Variants in SORCS3 observed in about 807,000 individuals in gnomAD.
The protein encoded by SORCS3 is VPS10 domain-containing receptor SorCS3.
Under a neutral mutation model 146.3 loss-of-function variants are expected in SORCS3, and 57 were observed. That is an observed-to-expected ratio of 0.39 (90% CI 0.31 to 0.49). The LOEUF (loss-of-function observed/expected upper bound fraction) is 0.49. Ranked by LOEUF, SORCS3 falls within the 20% of genes least tolerant of loss-of-function variation. The pLI, the probability that SORCS3 is intolerant of heterozygous loss-of-function variation, is 0.92. For synonymous variants in SORCS3, 653 were observed against 618.5 expected (o/e 1.06, Z -0.83); for missense variants, 1,341 against 1,575.5 (o/e 0.85, Z 2.52).
At chr10:105,146,931 C>T (rs2056135391) in intron 8 of SORCS3, among the ~76,000 whole-genome samples, 2 of 152,136 alleles carry the variant, frequency 1.3e-5, no homozygotes, top group South Asian at 2.1e-4. Context: ...GCAGCTTACT[C>T]ACAGCAGTGC....
At chr10:104,797,349 C>A (rs1450043662) in intron 1 of SORCS3, among the ~76,000 whole-genome samples, 1 of 152,086 alleles carries the variant, frequency 6.6e-6, no homozygotes, top group Non-Finnish European at 1.5e-5. Context: ...ACGGTTTTTA[C>A]AACGAGCTTT....
At position 105,143,858 on chromosome 10, in the gene SORCS3, G is replaced by A. The variant is rs546868598; in HGVS notation, c.1303-3759G>A. ...ACTATCTCACCAGTCTGTCTCCTGG[G>A]AACCTCATGGAGAACCGGCTTCCTT... On this transcript the variant is annotated intron_variant, in intron 8 of 26. Transcript: ENST00000369701. Among the ~76,000 whole-genome samples, 10 of 152,186 alleles carry A rather than the reference G, an allele frequency of 6.6e-5. No homozygotes were observed. The East Asian group carries it at 1.9e-3, about 29-fold the overall frequency.
At chr10:105,106,036 A>C (rs564619298) in intron 7 of SORCS3, among the ~76,000 whole-genome samples, 17 of 152,276 alleles carry the variant, frequency 1.1e-4, no homozygotes, top group African/African-American at 3.8e-4. Flanking sequence ...ACTCATATTT[A>C]GGCAGAGCAG....
At chr10:105,248,756 C>A (rs533831601) in intron 22 of SORCS3, among the ~76,000 whole-genome samples, 5 of 148,074 alleles carry the variant, frequency 3.4e-5, no homozygotes, top group Non-Finnish European at 5.9e-5. Context: ...TGGGAAATGG[C>A]AAAGAGTTTG....
chr10:105,021,147 T>TG lies in SORCS3; in HGVS notation c.955-21907dup, dbSNP rs544463430. Among the ~76,000 whole-genome samples, 21 of 152,294 alleles carry TG rather than the reference T, an allele frequency of 1.4e-4. 1 individual carries two copies. The East Asian group carries it at 3.9e-3, about 28-fold the overall frequency. ...TTTTGTGCTACTATGACAGAATACCTGAGGCTGGGTATTTTATTATAAACA... is the reference window on the plus strand; with the variant it reads ...TTTTGTGCTACTATGACAGAATACCTGGAGGCTGGGTATTTTATTATAAACA... On this transcript the variant is annotated intron_variant, in intron 4 of 26. Transcript: ENST00000369701.
intron 12 of SORCS3, among the ~76,000 whole-genome samples, chr10:105,166,110 A>G (rs139517125): frequency 1.3e-3 from 197 of 152,290 alleles, no homozygotes; most frequent in African/African-American, 4.6e-3. Flanking sequence ...ATTGGGGCTC[A>G]TCATTAATAG....
chr10:104,751,966 T>TATATATAA (rs1385185892), intron 1 of SORCS3, among the ~76,000 whole-genome samples: 7 of 109,572 alleles, frequency 6.4e-5, no homozygotes, highest in African/African-American at 2.7e-4. Context: ...TATATATATA[T>TATATATAA]ATAATAGTTT....
At chr10:105,085,647 CACAA>C (rs1255638351) in intron 5 of SORCS3, among the ~76,000 whole-genome samples, 3 of 152,334 alleles carry the variant, frequency 2.0e-5, no homozygotes, top group East Asian at 1.9e-4. Flanking sequence ...CACACACCTT[CACAA>C]ACAAAGGCAC....
At chr10:105,190,240 C>T (rs2056507647) in intron 14 of SORCS3, among the ~76,000 whole-genome samples, 1 of 152,222 alleles carries the variant, frequency 6.6e-6, no homozygotes, top group Non-Finnish European at 1.5e-5. Flanking sequence ...CCCCTGGCTT[C>T]ATCATTTACT....
chr10:104,837,630 C>T (rs553506284), intron 1 of SORCS3, among the ~76,000 whole-genome samples: 4 of 152,184 alleles, frequency 2.6e-5, no homozygotes, highest in African/African-American at 9.7e-5. Context: ...ATCTCTGTTT[C>T]CTATTTTTCT....
chr10:104,722,189 G>C lies in SORCS3; in HGVS notation c.627+80235G>C, dbSNP rs564416468. On this transcript the variant is annotated intron_variant, in intron 1 of 26. Coordinates refer to ENST00000369701, the MANE Select transcript of SORCS3 (RefSeq NM_014978.3). ...TTTATTGAGAGTTTTTAGCATGAAG[G>C]GTTGTTGAATTTTGTCAAAGGCCTT... is the stretch of plus-strand genomic sequence containing the variant. Among the ~76,000 whole-genome samples the C allele has an allele frequency of 1.4e-3, 208 of 152,184 alleles. 3 individuals are homozygous for C. In the South Asian group the frequency reaches 0.018, roughly 13 times the overall value.
At chr10:105,190,420 T>C (rs1308315039) in intron 14 of SORCS3, among the ~76,000 whole-genome samples, 1 of 152,232 alleles carries the variant, frequency 6.6e-6, no homozygotes, top group Non-Finnish European at 1.5e-5. Context: ...TTATTATTAT[T>C]TTTGAGACGG....
chr10:104,654,833 G>A (rs974644087), intron 1 of SORCS3, among the ~76,000 whole-genome samples: 1 of 152,172 alleles, frequency 6.6e-6, no homozygotes, highest in Non-Finnish European at 1.5e-5. Flanking sequence ...CCTTGAGGAA[G>A]CCTGATGCAT....
rs192714119 is a variant in SORCS3 at position 104,808,575 on chromosome 10, G to A, written c.628-34217G>A. On this transcript the variant is annotated intron_variant, in intron 1 of 26. Transcript: ENST00000369701. ...GAGGGAAAAACATGTGTGAAGGCCTGGAATCAAAAAAGAGAATGAGGCATT... is the reference window on the plus strand; with the variant it reads ...GAGGGAAAAACATGTGTGAAGGCCTAGAATCAAAAAAGAGAATGAGGCATT... Among the ~76,000 whole-genome samples, 5 of 152,152 alleles carry A rather than the reference G, an allele frequency of 3.3e-5. No individual in the cohort carries two copies. The East Asian group carries it at 9.7e-4, about 29-fold the overall frequency.
chr10:104,765,540 A>C (rs1454723240), intron 1 of SORCS3, among the ~76,000 whole-genome samples: 1 of 152,212 alleles, frequency 6.6e-6, no homozygotes, highest in East Asian at 1.9e-4. Context: ...GCAGGTATTC[A>C]GTCACTGTTG....
At chr10:105,066,232 G>C (rs994609853) in intron 5 of SORCS3, among the ~76,000 whole-genome samples, 1 of 152,180 alleles carries the variant, frequency 6.6e-6, no homozygotes, top group Non-Finnish European at 1.5e-5. Flanking sequence ...GCCTTCCCCT[G>C]TCCCATCCCT....
At chr10:104,654,866 C>T (rs189026535) in intron 1 of SORCS3, among the ~76,000 whole-genome samples, 9 of 152,298 alleles carry the variant, frequency 5.9e-5, no homozygotes, top group South Asian at 4.1e-4. Context: ...TACACAAAAT[C>T]GGTAGTATAA....
At position 105,223,231 on chromosome 10, in the gene SORCS3, G is replaced by A; in HGVS notation, c.2850G>A (p.Trp950Ter). ...SQLGTLTYFW[W>*]FGNSTKPLIT... ...TGGGGACCCTTACCTATTTCTGGTGGTTCGGCAATAGCACAAAGGTTTGGC... is the reference window on the plus strand; with the variant it reads ...TGGGGACCCTTACCTATTTCTGGTGATTCGGCAATAGCACAAAGGTTTGGC... The change falls in exon 20 of 27, where the codon TGG (tryptophan) becomes TGA (stop). Residue 950 changes from tryptophan (W) to a stop codon, truncating the protein, a stop_gained. Coordinates refer to ENST00000369701, the MANE Select transcript of SORCS3 (RefSeq NM_014978.3). LOFTEE classifies it high-confidence loss of function. 2 of 1,611,898 alleles carry A rather than the reference G, an allele frequency of 1.2e-6. No individual in the cohort carries two copies. The highest frequency in any genetic ancestry group is 1.7e-6 in the Non-Finnish European group (2 of 1,178,402).
At chr10:105,201,924 T>C (rs1255063156) in intron 16 of SORCS3, among the ~76,000 whole-genome samples, 1 of 152,194 alleles carries the variant, frequency 6.6e-6, no homozygotes, top group African/African-American at 2.4e-5. Flanking sequence ...CCAGTTTTTC[T>C]AATTTCAATA....
Sources: allele counts gnomAD v4.1 joint callset (sites outside exome capture counted in the v4.1 genomes callset), GRCh38; gene constraint gnomAD v4.1.1; transcripts MANE v1.5; gene names NCBI Gene and HGNC (gene_info 2026-07-23, HGNC 2026-07-21).